The following RP1 variants were observed in gnomAD, a reference collection of about 807,000 sequenced individuals.
RP1 encodes RP1 axonemal microtubule associated, also known as oxygen-regulated protein 1.
In RP1, 16 loss-of-function variants were observed where a neutral mutation model predicts 14.8. The ratio of observed to expected loss-of-function variants is 1.08; its 90% CI spans 0.73 to 1.65. RP1 has a LOEUF of 1.65. Ranked by LOEUF, RP1 falls within the 40% of genes most tolerant of loss-of-function variation. The probability of loss-of-function intolerance (pLI) is 0.00; values close to 1 mark genes in which losing one functional copy is unlikely to be tolerated. For synonymous variants in RP1, 876 were observed against 883.6 expected (o/e 0.99, Z 0.15); for missense variants, 2,631 against 2,535.0 (o/e 1.04, Z -0.81).
chr8:54,774,874 G>T (rs1166565857), downstream of RP1, among the ~76,000 whole-genome samples: 2 of 152,176 alleles, frequency 1.3e-5, no homozygotes, highest in African/African-American at 4.8e-5. Context: ...GCATAGAAGG[G>T]TTTGGGGTGA....
rs1368619245 is a variant in RP1, at chr8:54,625,583, A to G, written c.1701A>G (p.Pro567=). The stretch of plus-strand genomic sequence containing the variant: ...AGATGTCACATAATAATGGTTTGCC[A>G]TCAACTATATCAAATAACTCAATTG... ...MLEMSHNNGL[P]STISNNSIVE... Residue 567 remains proline (P), a synonymous_variant, in exon 4 of 4, where the codon CCA becomes CCG. Coordinates refer to ENST00000220676, the MANE Select transcript of RP1 (RefSeq NM_006269.2). The G allele has an allele frequency of 6.2e-6, 10 of 1,614,154 alleles. No individual in the cohort carries two copies. The highest frequency in any genetic ancestry group is 8.5e-6 in the Non-Finnish European group (10 of 1,180,016).
intron 17 of RP1, among the ~76,000 whole-genome samples, chr8:54,730,554 T>C (rs888816478): frequency 6.6e-6 from 1 of 152,114 alleles, no homozygotes; most frequent in Non-Finnish European, 1.5e-5. Flanking sequence ...TTTTGGGCAT[T>C]TTTATTGCAT....
rs1420757021 is a variant in RP1 at position 54,629,324 on chromosome 8, A to G, written c.5442A>G (p.Leu1814=). Residue 1814 remains leucine (L), a synonymous_variant, in exon 4 of 4, where the codon CTA becomes CTG. Coordinates refer to ENST00000220676, the MANE Select transcript of RP1 (RefSeq NM_006269.2). The part of the protein sequence containing the change: ...ELEELTQPLE[L]KCNYFNMPHG... The stretch of plus-strand genomic sequence containing the variant: ...AGGAACTGACTCAACCCCTTGAACT[A>G]AAATGCAATTACTTTAACATGCCTC... 1.2e-6 allele frequency: 2 copies of G among 1,613,990 alleles called. No individual in the cohort carries two copies. The highest frequency in any genetic ancestry group is 1.7e-6 in the Non-Finnish European group (2 of 1,179,932).
At position 54,630,220 on chromosome 8, in the gene RP1, C is replaced by A. The variant is rs137887415; in HGVS notation, c.6338C>A (p.Thr2113Asn). Residue 2113 changes from threonine to asparagine, a missense_variant, in exon 4 of 4, where the codon ACC becomes AAC. By Grantham distance (65) the Thr-to-Asn change is moderately conservative. Transcript: ENST00000220676. ...CTCTTAGATATTTGCCAAGTTGAGACCTCCTTAAATATTAGCAACAGAAAT... is the reference window on the plus strand; with the variant it reads ...CTCTTAGATATTTGCCAAGTTGAGAACTCCTTAAATATTAGCAACAGAAAT... ...ACLLDICQVETSLNISNRNIL... is the reference protein window; with the variant it reads ...ACLLDICQVENSLNISNRNIL... 540 of 1,613,464 alleles carry A rather than the reference C, an allele frequency of 3.3e-4. 1 individual carries two copies. The highest frequency in any genetic ancestry group is 4.2e-4 in the Non-Finnish European group (493 of 1,179,922).
At chr8:54,674,144 A>T (rs899947788) in intron 8 of RP1, among the ~76,000 whole-genome samples, 1 of 152,200 alleles carries the variant, frequency 6.6e-6, no homozygotes, top group Admixed American at 6.6e-5. Flanking sequence ...GGGATAATCT[A>T]GGATGGGCCT....
intron 25 of RP1, among the ~76,000 whole-genome samples, chr8:54,850,686 A>C (rs1054530516): frequency 1.3e-5 from 2 of 152,266 alleles, no homozygotes; most frequent in African/African-American, 4.8e-5. Flanking sequence ...GGGTTAAGTT[A>C]GATAAAGAAG....
At chr8:54,701,655 T>C (rs1388447883) in exon 14 of RP1, 1 of 1,534,706 alleles carries the variant, frequency 6.5e-7, no homozygotes, top group South Asian at 1.2e-5. Flanking sequence ...TTTGTGATTT[T>C]TGTCAAGGTA....
intron 19 of RP1, among the ~76,000 whole-genome samples, chr8:54,746,893 C>T (rs1261847142): frequency 6.6e-6 from 1 of 152,148 alleles, no homozygotes; most frequent in African/African-American, 2.4e-5. Context: ...TTGATTCCCT[C>T]ATCCAACCTG....
rs1585650214 is a variant in RP1 at position 54,739,089 on chromosome 8, G to A, written c.2808+60G>A. ...TTCTCTGATGAAAAGAAGCAAGCTG[G>A]CTATGTAAAGCAGTGAAAACGGTAT... On this transcript the variant is annotated intron_variant, in intron 19 of 22. Coordinates refer to the RP1 transcript ENST00000636932. 1.2e-5 allele frequency: 15 copies of A among 1,212,746 alleles called. No individual in the cohort carries two copies. In the East Asian group the frequency reaches 3.3e-4, roughly 27 times the overall value. The allele number at this position is 1,212,746 out of a possible 1,614,324, so 75.1% of individuals were successfully genotyped here. A position where few individuals can be genotyped will look rare whatever the true frequency, so the allele number is the denominator to read the frequency against.
At chr8:54,868,460 A>G (rs1461330831) in intron 28 of RP1, among the ~76,000 whole-genome samples, 1 of 152,220 alleles carries the variant, frequency 6.6e-6, no homozygotes, top group Non-Finnish European at 1.5e-5. Context: ...CAGAAGTGGA[A>G]GAAACCATAG....
In RP1 at chr8:54,625,301, T is replaced by C; in HGVS notation, c.1419T>C (p.Thr473=). The change falls in exon 4 of 4, where the codon ACT becomes ACC. Residue 473 remains threonine, a synonymous_variant. Coordinates refer to ENST00000220676, the MANE Select transcript of RP1 (RefSeq NM_006269.2). ...GCAGTGTGACCTTAGTATCTGAAAC[T>C]GAGGTTCAAGAGAAAATGATTGGAC... is the stretch of plus-strand genomic sequence containing the variant. ...VIGSVTLVSE[T]EVQEKMIGQF... is the part of the protein sequence containing the mutation. The C allele has an allele frequency of 1.2e-6, 2 of 1,614,142 alleles. No individual in the cohort carries two copies. Among genetic ancestry groups the C allele is most frequent in the Non-Finnish European group, 1.7e-6 (2 of 1,180,028 alleles).
intron 3 of RP1, chr8:54,648,981 A>T (rs1364354000): frequency 6.7e-7 from 1 of 1,494,388 alleles, no homozygotes; most frequent in Admixed American, 2.5e-5. Context: ...TTTTTCTTTT[A>T]TAGGTAGTAA....
At chr8:54,776,318 C>G (rs1034388436) in intron 23 of RP1, among the ~76,000 whole-genome samples, 1 of 152,156 alleles carries the variant, frequency 6.6e-6, no homozygotes, top group South Asian at 2.1e-4. Context: ...CCTCCTACCT[C>G]GGCTTCCTGA....
intron 25 of RP1, among the ~76,000 whole-genome samples, chr8:54,841,341 T>C (rs1390431366): frequency 6.6e-6 from 1 of 152,240 alleles, no homozygotes; most frequent in East Asian, 1.9e-4. Flanking sequence ...GAAGCTATTA[T>C]ACTTATCTTG....
chr8:54,627,544 C>G lies in RP1; in HGVS notation c.3662C>G (p.Pro1221Arg). ...NCSTVNIQSV[P>R]KCSENERTQG... ...TCCACGGTCAACATTCAGAGTGTTC[C>G]TAAGTGCAGTGAAAATGAAAGAACA... Residue 1221 changes from proline (P) to arginine (R), a missense_variant, in exon 4 of 4, where the codon CCT becomes CGT. Coordinates refer to ENST00000220676, the MANE Select transcript of RP1 (RefSeq NM_006269.2). 1 of 1,614,118 alleles carries G rather than the reference C, an allele frequency of 6.2e-7. No homozygotes were observed. Among genetic ancestry groups the G allele is most frequent in the Non-Finnish European group, 8.5e-7 (1 of 1,179,970 alleles).
chr8:54,805,182 A>C (rs1403881111), intron 24 of RP1, among the ~76,000 whole-genome samples: 6 of 152,202 alleles, frequency 3.9e-5, no homozygotes, highest in Non-Finnish European at 8.8e-5. Context: ...AGTTTTTATA[A>C]ACATCCCTGA....
intron 1 of RP1, among the ~76,000 whole-genome samples, chr8:54,598,106 A>T (rs1805190017): frequency 6.6e-6 from 1 of 152,124 alleles, no homozygotes; most frequent in Non-Finnish European, 1.5e-5. Context: ...AAATTAAATC[A>T]TATAGCATAT....
chr8:54,611,972 A>T (rs1805609379), upstream of RP1, among the ~76,000 whole-genome samples: 1 of 148,332 alleles, frequency 6.7e-6, no homozygotes, highest in South Asian at 2.1e-4. Flanking sequence ...TTTGCCAAGG[A>T]TCAGCCTGCA....
intron 3 of RP1, among the ~76,000 whole-genome samples, chr8:54,638,072 C>T (rs954136175): frequency 6.6e-6 from 1 of 152,146 alleles, no homozygotes; most frequent in South Asian, 2.1e-4. Flanking sequence ...TCCTTTTCCT[C>T]TCTATATTGA....
Sources: gnomAD v4.1 joint callset for allele counts (sites outside exome capture counted in the v4.1 genomes callset) on GRCh38, gnomAD v4.1.1 for gene constraint, MANE v1.5 for transcripts, NCBI Gene and HGNC (gene_info 2026-07-23, HGNC 2026-07-21) for gene names.